Variants in SPOCK3 observed in about 807,000 individuals in gnomAD.
The protein encoded by SPOCK3 is SPARC (osteonectin), cwcv and kazal like domains proteoglycan 3.
Under a neutral mutation model 56.6 loss-of-function variants are expected in SPOCK3, and 30 were observed. The observed-to-expected ratio is 0.53, with a 90% CI of 0.40 to 0.72. The LOEUF is 0.72. Among genes scored for constraint, SPOCK3 ranks in the 30% least tolerant of loss-of-function variants. The pLI, the probability that SPOCK3 is intolerant of heterozygous loss-of-function variation, is 0.00. For missense variants in SPOCK3, 527 were observed against 530.0 expected (o/e 0.99, Z 0.06); for synonymous variants, 196 against 183.3 (o/e 1.07, Z -0.56).
intron 3 of SPOCK3, among the ~76,000 whole-genome samples, chr4:167,061,986 T>C (rs979749661): frequency 2.0e-5 from 3 of 151,868 alleles, no homozygotes; most frequent in Non-Finnish European, 4.4e-5. Flanking sequence ...TAATCAGAAT[T>C]GCAAACTGTT....
At chr4:167,058,446 A>T (rs1042838396) in intron 3 of SPOCK3, among the ~76,000 whole-genome samples, 1 of 152,282 alleles carries the variant, frequency 6.6e-6, no homozygotes, top group Admixed American at 6.5e-5. Context: ...CTTACAAGGG[A>T]TGTGAAGGAC....
At chr4:166,780,019 G>A (rs1443067917) in intron 7 of SPOCK3, among the ~76,000 whole-genome samples, 2 of 152,086 alleles carry the variant, frequency 1.3e-5, no homozygotes, top group Non-Finnish European at 2.9e-5. Context: ...TATTACTTAG[G>A]ATTAAAGGCA....
At chr4:166,751,857 T>G (rs1736411965) in intron 8 of SPOCK3, among the ~76,000 whole-genome samples, 1 of 152,156 alleles carries the variant, frequency 6.6e-6, no homozygotes, top group African/African-American at 2.4e-5. Context: ...TTTTCAGGAT[T>G]ACTTAGAATA....
intron 4 of SPOCK3, among the ~76,000 whole-genome samples, chr4:166,997,901 T>C (rs1255864122): frequency 6.6e-6 from 1 of 152,126 alleles, no homozygotes; most frequent in African/African-American, 2.4e-5. Context: ...AGGTAGCAAT[T>C]TGTATTCTAA....
At chr4:167,095,677 G>A (rs2150316284) in intron 2 of SPOCK3, among the ~76,000 whole-genome samples, 1 of 151,890 alleles carries the variant, frequency 6.6e-6, no homozygotes, top group South Asian at 2.1e-4. Context: ...GAAGGACTCT[G>A]TACTCACAAA....
At chr4:167,138,713 T>C (rs1208843282) in intron 2 of SPOCK3, among the ~76,000 whole-genome samples, 1 of 151,924 alleles carries the variant, frequency 6.6e-6, no homozygotes, top group Admixed American at 6.6e-5. Flanking sequence ...AGAGTTGTCT[T>C]AAGAGAAAGC....
Position 167,205,457 on chromosome 4 carries a change from A to AAT in SPOCK3, c.189+28526_189+28527dup, listed in dbSNP as rs1734126714. ...TATATAATATAATATATATTATATA[A>AAT]ATATATAGAATTTATTTTATATATA... On this transcript the variant is annotated intron_variant, in intron 2 of 10. Transcript: ENST00000357545. 5.0e-4 allele frequency among the ~76,000 whole-genome samples: 25 copies of AAT among 50,426 alleles called. 1 individual carries two copies. The South Asian group carries it at 0.012, about 24-fold the overall frequency. The allele number at this position is 50,426 out of a possible 152,430, so 33.1% of individuals were successfully genotyped here.
intron 2 of SPOCK3, among the ~76,000 whole-genome samples, chr4:167,223,816 C>G (rs1384554361): frequency 6.6e-6 from 1 of 152,062 alleles, no homozygotes; most frequent in Non-Finnish European, 1.5e-5. Context: ...ACTTATAATA[C>G]TCCTTGCATG....
intron 2 of SPOCK3, among the ~76,000 whole-genome samples, chr4:167,101,598 A>G (rs1253473662): frequency 1.3e-5 from 2 of 152,044 alleles, no homozygotes; most frequent in African/African-American, 2.4e-5. Flanking sequence ...TAAGAACTCA[A>G]TGGAAACATC....
chr4:167,003,122 CA>C (rs1268287496), intron 3 of SPOCK3, among the ~76,000 whole-genome samples: 1 of 151,644 alleles, frequency 6.6e-6, no homozygotes, highest in Non-Finnish European at 1.5e-5. Flanking sequence ...CGATAATTTC[CA>C]AAAGTTCTGT....
intron 2 of SPOCK3, among the ~76,000 whole-genome samples, chr4:167,205,415 A>T (rs1365717145): frequency 4.3e-5 from 2 of 46,130 alleles, no homozygotes; most frequent in Non-Finnish European, 7.1e-5. Context: ...ATTATATATT[A>T]AATATATAAT....
At chr4:167,085,633 G>T (rs1387775201) in intron 2 of SPOCK3, among the ~76,000 whole-genome samples, 1 of 152,082 alleles carries the variant, frequency 6.6e-6, no homozygotes, top group East Asian at 1.9e-4. Context: ...AAAGAGAAGA[G>T]AATCATTCTA....
intron 2 of SPOCK3, among the ~76,000 whole-genome samples, chr4:167,208,387 A>C (rs1253346812): frequency 6.6e-6 from 1 of 152,132 alleles, no homozygotes; most frequent in Non-Finnish European, 1.5e-5. Context: ...GGTTTATTTT[A>C]TTTTGGAGCA....
intron 2 of SPOCK3, among the ~76,000 whole-genome samples, chr4:167,216,762 C>A (rs541680307): frequency 6.6e-6 from 1 of 152,188 alleles, no homozygotes; most frequent in Non-Finnish European, 1.5e-5. Flanking sequence ...ATATTATACA[C>A]AATTTTTTGT....
intron 4 of SPOCK3, among the ~76,000 whole-genome samples, chr4:166,980,828 C>A (rs1746492225): frequency 6.6e-6 from 1 of 152,212 alleles, no homozygotes; most frequent in African/African-American, 2.4e-5. Flanking sequence ...AAGAGGGTAT[C>A]ACAGCCCTGC....
rs1245071345 is a variant in SPOCK3 at position 167,193,109 on chromosome 4, T to C, written c.189+40876A>G. 2.7e-5 allele frequency among the ~76,000 whole-genome samples: 4 copies of C among 146,030 alleles called. 1 individual carries two copies. The highest frequency in any genetic ancestry group is 3.0e-5 in the Non-Finnish European group (2 of 66,922). ...CTTCGTTATGTGTCTGTTGGGTCCA[T>C]TCATTTACATTTAAAGTTATTACTA... On this transcript the variant is annotated intron_variant, in intron 2 of 10. Transcript: ENST00000357545.
chr4:166,952,527 C>A (rs1742792790), intron 4 of SPOCK3, among the ~76,000 whole-genome samples: 1 of 152,130 alleles, frequency 6.6e-6, no homozygotes, highest in Admixed American at 6.6e-5. Context: ...TTTATAGATT[C>A]AATGCCATCC....
chr4:166,891,357 C>T (rs1410301492), intron 5 of SPOCK3, among the ~76,000 whole-genome samples: 1 of 151,860 alleles, frequency 6.6e-6, no homozygotes, highest in East Asian at 1.9e-4. Flanking sequence ...CAAGAAGCAC[C>T]GAATGCACCC....
At chr4:167,049,596 T>C (rs946307355) in intron 3 of SPOCK3, among the ~76,000 whole-genome samples, 5 of 152,182 alleles carry the variant, frequency 3.3e-5, no homozygotes, top group African/African-American at 1.2e-4. Flanking sequence ...GTATAAAATA[T>C]TCATTAGAAT....
Sources: gnomAD v4.1 joint callset for allele counts (sites outside exome capture counted in the v4.1 genomes callset) on GRCh38, gnomAD v4.1.1 for gene constraint, MANE v1.5 for transcripts, NCBI Gene and HGNC (gene_info 2026-07-23, HGNC 2026-07-21) for gene names.